ZNF567: variants seen among roughly 807,000 people sequenced by gnomAD.
The protein encoded by ZNF567 is zinc finger protein 567.
Under a neutral mutation model 53.9 loss-of-function variants are expected in ZNF567, and 36 were observed. The observed-to-expected ratio is 0.67, with a 90% CI of 0.51 to 0.88. The LOEUF is 0.88. Ranked by LOEUF, ZNF567 falls within the 40% of genes least tolerant of loss-of-function variation. The probability of loss-of-function intolerance (pLI) is 0.00; values close to 1 mark genes in which losing one functional copy is unlikely to be tolerated. For missense variants in ZNF567, 619 were observed against 764.7 expected, an observed-to-expected ratio of 0.81 and a Z score of 2.25; for synonymous variants, 224 against 260.4, an observed-to-expected ratio of 0.86 and a Z score of 1.35.
chr19:36,689,835 C>A (rs2038502911), intron 2 of ZNF567, among the ~76,000 whole-genome samples: 1 of 152,138 alleles, frequency 6.6e-6, no homozygotes, highest in Admixed American at 6.5e-5. Context: ...GTCTGAGGGA[C>A]CCCTTGTGTG....
At chr19:36,698,665 C>G (rs550394990) in intron 3 of ZNF567, among the ~76,000 whole-genome samples, 3 of 151,760 alleles carry the variant, frequency 2.0e-5, no homozygotes, top group African/African-American at 7.2e-5. Context: ...TTGCATTTCT[C>G]TGATGGCCAG....
the ZNF567 span, among the ~76,000 whole-genome samples, chr19:36,674,760 C>CTT: frequency 6.8e-6 from 1 of 147,062 alleles, no homozygotes; most frequent in African/African-American, 2.5e-5. Flanking sequence ...CTTCTTAAAG[C>CTT]TTTTTTTTTT....
At position 36,719,563 on chromosome 19, in the gene ZNF567, C is replaced by G; in HGVS notation, c.839C>G (p.Pro280Arg). 1 of 1,614,038 alleles carries G rather than the reference C, an allele frequency of 6.2e-7. No homozygotes were observed. The highest frequency in any genetic ancestry group is 8.5e-7 in the Non-Finnish European group (1 of 1,179,996). The change falls in exon 6 of 6, where the codon CCC becomes CGC. Residue 280 changes from proline to arginine, a missense_variant. By Grantham distance (103) the Pro-to-Arg change is moderately radical. Transcript: ENST00000682579. ...LHQGIHSEEK[P>R]YQCHQCGNAF... is the part of the protein sequence containing the mutation. ...CAGGGAATTCACTCAGAAGAAAAAC[C>G]CTATCAATGTCATCAATGTGGAAAT...
intron 1 of ZNF567, among the ~76,000 whole-genome samples, 153 bp from the exon 2 acceptor site, chr19:36,689,244 T>A (rs1273337459): frequency 7.8e-4 from 108 of 137,652 alleles, no homozygotes; most frequent in Non-Finnish European, 1.0e-3. Context: ...AGAGTGTGTG[T>A]GTGTGTGTGT....
chr19:36,713,876 G>A (rs1213108417), intron 5 of ZNF567, among the ~76,000 whole-genome samples: 2 of 151,072 alleles, frequency 1.3e-5, no homozygotes, highest in Non-Finnish European at 3.0e-5. Context: ...CGGAGGTTCC[G>A]GTGAGCCAAG....
At chr19:36,672,930 G>A in the ZNF567 span, among the ~76,000 whole-genome samples, 5 of 152,196 alleles carry the variant, frequency 3.3e-5, no homozygotes, top group Non-Finnish European at 7.3e-5. Flanking sequence ...CTATAACCAC[G>A]TGAGCAGTTA....
At chr19:36,716,446 T>C (rs919143555) in intron 5 of ZNF567, among the ~76,000 whole-genome samples, 2 of 152,224 alleles carry the variant, frequency 1.3e-5, no homozygotes, top group African/African-American at 4.8e-5. Context: ...AACTCTTGAA[T>C]AGTCATATAA....
intron 3 of ZNF567, chr19:36,711,328 C>T (rs1600557405): frequency 6.6e-6 from 1 of 152,216 alleles, no homozygotes; most frequent in African/African-American, 2.4e-5. Context: ...CGCCCAGCCT[C>T]AAGCTCTCGT....
At chr19:36,671,477 C>G in the ZNF567 span, among the ~76,000 whole-genome samples, 3 of 152,194 alleles carry the variant, frequency 2.0e-5, no homozygotes, top group African/African-American at 7.2e-5. Context: ...ATCCAAAAAA[C>G]TGTTAGTTTA....
the ZNF567 span, among the ~76,000 whole-genome samples, chr19:36,676,458 T>G: frequency 1.3e-5 from 2 of 152,080 alleles, no homozygotes; most frequent in Non-Finnish European, 2.9e-5. Flanking sequence ...GACTCAAAGC[T>G]GAACCATGCC....
intron 5 of ZNF567, among the ~76,000 whole-genome samples, chr19:36,713,866 C>T (rs2039912478): frequency 6.6e-6 from 1 of 151,610 alleles, no homozygotes; most frequent in East Asian, 2.0e-4. Context: ...ACCCGGTAGG[C>T]GGAGGTTCCG....
At chr19:36,726,796 G>C (rs1445460528), downstream of ZNF567, among the ~76,000 whole-genome samples, 1 of 152,042 alleles carries the variant, frequency 6.6e-6, no homozygotes, top group African/African-American at 2.4e-5. Context: ...GGGGCCCTAC[G>C]TAATTCCATC....
chr19:36,679,262 G>C, the ZNF567 span, among the ~76,000 whole-genome samples: 1 of 152,242 alleles, frequency 6.6e-6, no homozygotes, highest in East Asian at 1.9e-4. Flanking sequence ...CTCCAGCCTG[G>C]GCGACAGCGC....
chr19:36,708,437 G>A (rs2039610680), intron 3 of ZNF567, among the ~76,000 whole-genome samples: 2 of 151,966 alleles, frequency 1.3e-5, no homozygotes, highest in South Asian at 2.1e-4. Flanking sequence ...TTTGGTCTAC[G>A]GCTAATTTAG....
Position 36,720,375 on chromosome 19 carries a change from C to T in ZNF567, c.1651C>T (p.His551Tyr). 3 of 1,614,142 alleles carry T rather than the reference C, an allele frequency of 1.9e-6. No individual in the cohort carries two copies. The highest frequency in any genetic ancestry group is 2.5e-6 in the Non-Finnish European group (3 of 1,180,032). ...SFRQKATLTVHQKIHTGQKSY... is the reference protein window; with the variant it reads ...SFRQKATLTVYQKIHTGQKSY... Reference sequence around the variant, plus strand: ...TCGCCAGAAAGCAACCCTCACTGTACATCAGAAAATACATACCGGCCAGAA... The same window carrying T: ...TCGCCAGAAAGCAACCCTCACTGTATATCAGAAAATACATACCGGCCAGAA... The change falls in exon 6 of 6, where the codon CAT becomes TAT. Residue 551 changes from histidine (H) to tyrosine (Y), a missense_variant. By Grantham distance (83) the His-to-Tyr change is moderately conservative (BLOSUM62 2). Transcript: ENST00000682579.
chr19:36,676,816 G>A, the ZNF567 span, among the ~76,000 whole-genome samples: 5 of 152,108 alleles, frequency 3.3e-5, no homozygotes, highest in East Asian at 7.7e-4. Context: ...CCAGGAGCTC[G>A]ATACCAGCCT....
At chr19:36,711,016 TC>T (rs1189226133) in intron 3 of ZNF567, among the ~76,000 whole-genome samples, 1 of 152,174 alleles carries the variant, frequency 6.6e-6, no homozygotes, top group African/African-American at 2.4e-5. Flanking sequence ...TTCATTTTCA[TC>T]CGTTCTGTAG....
intron 5 of ZNF567, among the ~76,000 whole-genome samples, chr19:36,718,026 T>C (rs2040139977): frequency 6.6e-6 from 1 of 152,234 alleles, no homozygotes; most frequent in Admixed American, 6.5e-5. Flanking sequence ...AGTATTTTCC[T>C]AATTTTCCAT....
intron 3 of ZNF567, among the ~76,000 whole-genome samples, chr19:36,699,314 A>G (rs2039053046): frequency 6.6e-6 from 1 of 152,066 alleles, no homozygotes; most frequent in South Asian, 2.1e-4. Context: ...ATGCTGTTTT[A>G]GTTACTGTAA....
Sources: allele counts gnomAD v4.1 joint callset (sites outside exome capture counted in the v4.1 genomes callset), GRCh38; gene constraint gnomAD v4.1.1; transcripts MANE v1.5; gene names NCBI Gene and HGNC (gene_info 2026-07-23, HGNC 2026-07-21).